The following GULP1 variants were observed in gnomAD, a reference collection of about 807,000 sequenced individuals.
GULP1 encodes the protein PTB domain-containing engulfment adapter protein 1.
In GULP1, 19 loss-of-function variants were observed where a neutral mutation model predicts 40.9. That is an observed-to-expected ratio of 0.46 (90% CI 0.32 to 0.68). GULP1 has a LOEUF of 0.68. GULP1 is among the 30% of genes least tolerant of loss of function. The pLI is 0.03. For synonymous variants in GULP1, 119 were observed against 117.6 expected (o/e 1.01, Z -0.08); for missense variants, 312 against 362.2 (o/e 0.86, Z 1.12).
At chr2:188,522,733 G>T in intron 4 of GULP1, 23 bp from the exon 5 acceptor site, 6 of 1,502,118 alleles carry the variant, frequency 4.0e-6, no homozygotes, top group Non-Finnish European at 5.6e-6. Context: ...AAAAGCCTGT[G>T]TCTCACAAAT....
chr2:188,492,966 G>A (rs1044405163), intron 4 of GULP1, among the ~76,000 whole-genome samples: 3 of 151,934 alleles, frequency 2.0e-5, no homozygotes, highest in African/African-American at 4.8e-5. Flanking sequence ...CCCAGTTTTT[G>A]TTTCTTATTT....
intron 1 of GULP1, among the ~76,000 whole-genome samples, chr2:188,362,530 A>C (rs2046234269): frequency 6.6e-6 from 1 of 152,156 alleles, no homozygotes; most frequent in Non-Finnish European, 1.5e-5. Context: ...TTGACACTGA[A>C]CAGATGTGAA....
intron 2 of GULP1, among the ~76,000 whole-genome samples, chr2:188,453,158 A>T (rs182308352): frequency 6.6e-6 from 1 of 152,262 alleles, no homozygotes; most frequent in East Asian, 1.9e-4. Flanking sequence ...TTATGTATTT[A>T]TCTACCACAA....
chr2:188,466,223 A>G (rs2060100808), intron 2 of GULP1, among the ~76,000 whole-genome samples: 1 of 152,006 alleles, frequency 6.6e-6, no homozygotes, highest in Admixed American at 6.6e-5. Flanking sequence ...TAATAAAAAC[A>G]TACTTCATTT....
At chr2:188,295,979 G>A (rs894026689) in intron 1 of GULP1, among the ~76,000 whole-genome samples, 3 of 151,684 alleles carry the variant, frequency 2.0e-5, no homozygotes, top group Non-Finnish European at 4.4e-5. Flanking sequence ...GATTCAATTC[G>A]CGATATTGCA....
intron 1 of GULP1, among the ~76,000 whole-genome samples, chr2:188,368,580 AAAAT>A (rs545607112): frequency 0.016 from 2,384 of 151,900 alleles, 35 homozygotes; most frequent in Non-Finnish European, 0.025. Context: ...GACTCCATCT[AAAAT>A]AAATAAATAA....
chr2:188,583,410 G>A (rs182419782), intron 9 of GULP1, among the ~76,000 whole-genome samples: 14 of 152,110 alleles, frequency 9.2e-5, no homozygotes, highest in African/African-American at 2.4e-4. Context: ...CAAATTTTTC[G>A]CCACTATTCC....
At chr2:188,362,373 A>C (rs1395555427) in intron 1 of GULP1, among the ~76,000 whole-genome samples, 1 of 152,138 alleles carries the variant, frequency 6.6e-6, no homozygotes, top group Non-Finnish European at 1.5e-5. Context: ...GTTTCATAGA[A>C]CTAGTGTTTT....
At position 188,536,241 on chromosome 2, in the gene GULP1, G is replaced by A. The variant is rs932269005; in HGVS notation, c.262-4940G>A. Among the ~76,000 whole-genome samples, 13 of 152,000 alleles carry A rather than the reference G, an allele frequency of 8.6e-5. 1 individual carries two copies. The highest frequency in any genetic ancestry group is 7.9e-4 in the Admixed American group (12 of 15,244). On this transcript the variant is annotated intron_variant, in intron 6 of 11. Coordinates refer to ENST00000409830, the MANE Select transcript of GULP1 (RefSeq NM_016315.4). The stretch of plus-strand genomic sequence containing the variant: ...TTTGTTTTTGTTGCAATTGCTTTTT[G>A]GAACTTAGACAAAAATTCTTTACCA...
intron 2 of GULP1, among the ~76,000 whole-genome samples, chr2:188,431,718 C>T (rs1341619933): frequency 6.6e-6 from 1 of 151,978 alleles, no homozygotes; most frequent in South Asian, 2.1e-4. Context: ...TTACAACATG[C>T]TCATACTTTC....
At chr2:188,543,364 G>A (rs1464756055) in intron 7 of GULP1, among the ~76,000 whole-genome samples, 1 of 152,014 alleles carries the variant, frequency 6.6e-6, no homozygotes, top group African/African-American at 2.4e-5. Flanking sequence ...TCTGCTGCAG[G>A]TAGAGGAAGT....
intron 1 of GULP1, among the ~76,000 whole-genome samples, chr2:188,317,935 T>G (rs1219958406): frequency 6.6e-6 from 1 of 152,128 alleles, no homozygotes; most frequent in Non-Finnish European, 1.5e-5. Flanking sequence ...TTCCAGTTTT[T>G]CATTGTTCAT....
At chr2:188,296,235 A>G (rs1187006016) in intron 1 of GULP1, among the ~76,000 whole-genome samples, 1 of 152,108 alleles carries the variant, frequency 6.6e-6, no homozygotes, top group Admixed American at 6.5e-5. Flanking sequence ...ATAACTTTGA[A>G]TGGAGAAATC....
rs976883027 is a variant in GULP1, at chr2:188,306,319, T to A, written c.-172+14153T>A. Among the ~76,000 whole-genome samples the A allele has an allele frequency of 8.5e-5, 13 of 152,300 alleles. No homozygotes were observed. The East Asian group carries it at 1.4e-3, about 16-fold the overall frequency. The stretch of plus-strand genomic sequence containing the variant: ...TTTAAATAGTTTATTTTCCTTTTTT[T>A]AAAAACAAACCTAAAACCAATTTCT... On this transcript the variant is annotated intron_variant, in intron 1 of 11. Transcript: ENST00000409830.
intron 4 of GULP1, among the ~76,000 whole-genome samples, chr2:188,517,259 T>C (rs1283060857): frequency 6.6e-6 from 1 of 152,230 alleles, no homozygotes; most frequent in Non-Finnish European, 1.5e-5. Flanking sequence ...AAATACAACC[T>C]GAAAAATTGT....
chr2:188,408,109 G>T (rs1026858914), intron 2 of GULP1, among the ~76,000 whole-genome samples: 4 of 152,100 alleles, frequency 2.6e-5, no homozygotes, highest in Non-Finnish European at 5.9e-5. Context: ...GGTTATCAGG[G>T]TGAGGCCAAT....
At chr2:188,338,948 T>C (rs1166323380) in intron 1 of GULP1, among the ~76,000 whole-genome samples, 1 of 152,190 alleles carries the variant, frequency 6.6e-6, no homozygotes, top group East Asian at 1.9e-4. Context: ...ATTCTTATAA[T>C]TGTAGTTAAG....
intron 6 of GULP1, among the ~76,000 whole-genome samples, chr2:188,533,873 A>G (rs1016320049): frequency 1.3e-5 from 2 of 152,194 alleles, no homozygotes; most frequent in Non-Finnish European, 2.9e-5. Context: ...GCTATCAAAC[A>G]TGAAAAAAAT....
intron 1 of GULP1, among the ~76,000 whole-genome samples, chr2:188,325,849 A>G (rs922269232): frequency 2.6e-5 from 4 of 152,160 alleles, no homozygotes; most frequent in African/African-American, 4.8e-5. Flanking sequence ...ATAAATGTTT[A>G]TCAGCACTTA....
Sources: gnomAD v4.1 joint callset for allele counts (sites outside exome capture counted in the v4.1 genomes callset) on GRCh38, gnomAD v4.1.1 for gene constraint, MANE v1.5 for transcripts, NCBI Gene and HGNC (gene_info 2026-07-23, HGNC 2026-07-21) for gene names.